The following KHDRBS2 variants were observed in gnomAD, a reference collection of about 807,000 sequenced individuals.
KHDRBS2 encodes the protein KH domain-containing, RNA-binding, signal transduction-associated protein 2.
Under a neutral mutation model 44.3 loss-of-function variants are expected in KHDRBS2, and 26 were observed. The ratio of observed to expected loss-of-function variants is 0.59; its 90% CI spans 0.43 to 0.81. The LOEUF (loss-of-function observed/expected upper bound fraction) is 0.81, where lower values mean the gene tolerates loss of function less well. KHDRBS2 is among the 40% of genes least tolerant of loss of function. KHDRBS2 has a pLI of 0.00. For missense variants in KHDRBS2, 476 were observed against 433.1 expected (o/e 1.10, Z -0.88); for synonymous variants, 194 against 151.1 (o/e 1.28, Z -2.08).
intron 6 of KHDRBS2, among the ~76,000 whole-genome samples, chr6:61,761,169 G>A (rs1301733018): frequency 6.6e-6 from 1 of 152,144 alleles, no homozygotes; most frequent in South Asian, 2.1e-4. Context: ...AAAATGTGTG[G>A]TCAGTGAAGA....
intron 6 of KHDRBS2, among the ~76,000 whole-genome samples, chr6:61,853,729 G>C (rs137974403): frequency 2.9e-4 from 44 of 152,300 alleles, no homozygotes; most frequent in Admixed American, 1.1e-3. Context: ...AGATGAAATC[G>C]TATTGCTCTT....
chr6:61,819,176 A>T (rs1273470958), intron 6 of KHDRBS2, among the ~76,000 whole-genome samples: 1 of 152,000 alleles, frequency 6.6e-6, no homozygotes, highest in Non-Finnish European at 1.5e-5. Flanking sequence ...TTTAATGTGT[A>T]AACTATAAAA....
the KHDRBS2 span, among the ~76,000 whole-genome samples, chr6:61,625,656 T>C: frequency 6.6e-6 from 1 of 152,098 alleles, no homozygotes; most frequent in Non-Finnish European, 1.5e-5. Flanking sequence ...AGCTCTCCTC[T>C]TTTCTTCTCT....
chr6:61,867,338 A>G (rs1797941554), intron 6 of KHDRBS2, among the ~76,000 whole-genome samples: 1 of 152,182 alleles, frequency 6.6e-6, no homozygotes. Flanking sequence ...GAACAGCATG[A>G]AAAAGCCATG....
chr6:61,709,897 A>G (rs1770208892), intron 7 of KHDRBS2, among the ~76,000 whole-genome samples: 1 of 151,652 alleles, frequency 6.6e-6, no homozygotes, highest in African/African-American at 2.4e-5. Context: ...AGTGCTGTAA[A>G]TATCAGTATA....
intron 1 of KHDRBS2, among the ~76,000 whole-genome samples, chr6:62,192,895 G>T (rs1206274365): frequency 1.3e-5 from 2 of 152,064 alleles, no homozygotes; most frequent in Non-Finnish European, 2.9e-5. Context: ...CAGTCATTAC[G>T]CTTGTTGCTC....
chr6:61,965,867 G>A (rs928811475), intron 4 of KHDRBS2, among the ~76,000 whole-genome samples: 7 of 151,926 alleles, frequency 4.6e-5, no homozygotes, highest in Non-Finnish European at 8.8e-5. Flanking sequence ...ACTGCAATAA[G>A]TTAATTTAAA....
At chr6:61,875,736 C>A (rs1389694530) in intron 6 of KHDRBS2, among the ~76,000 whole-genome samples, 1 of 152,010 alleles carries the variant, frequency 6.6e-6, no homozygotes, top group South Asian at 2.1e-4. Flanking sequence ...CCTTCTGATG[C>A]TAATGTGATA....
At chr6:62,101,776 A>G (rs1203902701) in intron 2 of KHDRBS2, among the ~76,000 whole-genome samples, 2 of 152,228 alleles carry the variant, frequency 1.3e-5, no homozygotes, top group Admixed American at 6.5e-5. Context: ...TAATTTTTGT[A>G]TATGAACATT....
intron 4 of KHDRBS2, among the ~76,000 whole-genome samples, chr6:61,976,758 A>AT (rs1772756961): frequency 6.6e-6 from 1 of 152,172 alleles, no homozygotes; most frequent in African/African-American, 2.4e-5. Flanking sequence ...TCCTAGTCTC[A>AT]TTTTTATACT....
chr6:62,156,937 G>A (rs1054096696), intron 2 of KHDRBS2, among the ~76,000 whole-genome samples: 3 of 149,198 alleles, frequency 2.0e-5, no homozygotes, highest in African/African-American at 7.4e-5. Context: ...CGCCCGCCTC[G>A]GCCTCCCAAA....
chr6:62,045,503 C>G (rs933182466), intron 3 of KHDRBS2, among the ~76,000 whole-genome samples: 2 of 151,992 alleles, frequency 1.3e-5, no homozygotes, highest in African/African-American at 4.8e-5. Flanking sequence ...TAAAAATTAT[C>G]AAGTCCTAAA....
At chr6:61,595,221 A>T in the KHDRBS2 span, among the ~76,000 whole-genome samples, 1 of 152,170 alleles carries the variant, frequency 6.6e-6, no homozygotes, top group Non-Finnish European at 1.5e-5. Flanking sequence ...ATTGCTAGGT[A>T]TCTATAAAAA....
chr6:61,589,343 T>G, the KHDRBS2 span, among the ~76,000 whole-genome samples: 1 of 152,164 alleles, frequency 6.6e-6, no homozygotes, highest in Non-Finnish European at 1.5e-5. Context: ...TTTTAGATTC[T>G]CAGAAAGAAT....
intron 3 of KHDRBS2, among the ~76,000 whole-genome samples, chr6:61,986,057 T>C (rs1160066618): frequency 6.6e-6 from 1 of 152,162 alleles, no homozygotes; most frequent in Non-Finnish European, 1.5e-5. Context: ...TAAATCTAGA[T>C]TTGAATTAAT....
At chr6:62,060,857 T>C (rs1277903728) in intron 2 of KHDRBS2, among the ~76,000 whole-genome samples, 1 of 151,892 alleles carries the variant, frequency 6.6e-6, no homozygotes, top group Non-Finnish European at 1.5e-5. Context: ...TTAGATATAT[T>C]GTGTGCTTAA....
chr6:62,077,548 G>T (rs1490642707), intron 2 of KHDRBS2, among the ~76,000 whole-genome samples: 1 of 152,042 alleles, frequency 6.6e-6, no homozygotes, highest in African/African-American at 2.4e-5. Flanking sequence ...ACTCAGTCCA[G>T]TAAGATAGGA....
chr6:61,901,187 CA>C, intron 5 of KHDRBS2, 56 bp downstream of exon 5: 1 of 1,560,944 alleles, frequency 6.4e-7, no homozygotes, highest in Non-Finnish European at 8.7e-7. Flanking sequence ...TGACATAAAG[CA>C]GGACAAAAAA....
intron 2 of KHDRBS2, among the ~76,000 whole-genome samples, chr6:62,117,609 A>G (rs925071183): frequency 1.3e-5 from 2 of 151,918 alleles, no homozygotes; most frequent in Non-Finnish European, 2.9e-5. Context: ...CTTTAGCTTG[A>G]TGTAATCCCA....
Sources: allele counts gnomAD v4.1 joint callset (sites outside exome capture counted in the v4.1 genomes callset), GRCh38; gene constraint gnomAD v4.1.1; transcripts MANE v1.5; gene names NCBI Gene and HGNC (gene_info 2026-07-23, HGNC 2026-07-21).